The following PAK2 variants were observed in gnomAD, a reference collection of about 807,000 sequenced individuals.
PAK2 encodes the protein serine/threonine-protein kinase PAK 2.
Under a neutral mutation model 65.9 loss-of-function variants are expected in PAK2, and 21 were observed. That is an observed-to-expected ratio of 0.32 (90% CI 0.23 to 0.46). The LOEUF is 0.46. PAK2 is among the 20% of genes least tolerant of loss of function. The pLI is 1.00. For synonymous variants in PAK2, 204 were observed against 219.7 expected, an observed-to-expected ratio of 0.93 and a Z score of 0.63; for missense variants, 324 against 642.6, an observed-to-expected ratio of 0.50 and a Z score of 5.36.
chr3:196,809,173 G>C (rs901539571), intron 7 of PAK2, among the ~76,000 whole-genome samples: 2 of 150,520 alleles, frequency 1.3e-5, no homozygotes, highest in Non-Finnish European at 3.0e-5. Flanking sequence ...GCTTGAGCCC[G>C]TGAGTTCAAG....
rs1427034223 is a variant in PAK2 at position 196,791,213 on chromosome 3, A to G, written c.187+8380A>G. On this transcript the variant is annotated intron_variant, in intron 2 of 14. Coordinates refer to ENST00000327134, the MANE Select transcript of PAK2 (RefSeq NM_002577.4). The surrounding 1 kb of genome is among the most constrained non-coding windows in gnomAD (Gnocchi z 4.0). ...TCCAGCACATTGTTCAATTCCAGAC[A>G]TGCTTTAGTATCTTTTTGTTTTAGA... Among the ~76,000 whole-genome samples, 3 of 152,206 alleles carry G rather than the reference A, an allele frequency of 2.0e-5. No homozygotes were observed. The highest frequency in any genetic ancestry group is 2.1e-4 in the South Asian group (1 of 4,836).
intron 8 of PAK2, among the ~76,000 whole-genome samples, chr3:196,811,250 C>CCTTCCCTT (rs1715792060): frequency 3.8e-4 from 1 of 2,604 alleles, no homozygotes; most frequent in African/African-American, 1.1e-3. Context: ...TTCCCTCCCT[C>CCTTCCCTT]CCCTCCCTCC....
At chr3:196,789,996 G>A (rs543417580) in intron 2 of PAK2, among the ~76,000 whole-genome samples, 3 of 152,302 alleles carry the variant, frequency 2.0e-5, no homozygotes, top group Non-Finnish European at 2.9e-5. Flanking sequence ...ACCTCCTGCT[G>A]TGCCACCCAG....
intron 1 of PAK2, among the ~76,000 whole-genome samples, chr3:196,760,139 A>G (rs146628311): frequency 1.1e-4 from 16 of 152,274 alleles, no homozygotes; most frequent in African/African-American, 3.9e-4. Context: ...TGAAAGAGAC[A>G]GGGTCTTCTA....
At chr3:196,771,893 GAGTTCATT>G (rs1372410324) in intron 1 of PAK2, among the ~76,000 whole-genome samples, 1 of 152,178 alleles carries the variant, frequency 6.6e-6, no homozygotes, top group Non-Finnish European at 1.5e-5. Context: ...TGTCTGCAAT[GAGTTCATT>G]AGTTCATTGT....
At chr3:196,798,045 A>G (rs1008438760) in intron 2 of PAK2, among the ~76,000 whole-genome samples, 1 of 152,220 alleles carries the variant, frequency 6.6e-6, no homozygotes, top group Non-Finnish European at 1.5e-5. Context: ...CATCTTAATA[A>G]ACTAGAAGGG....
intron 7 of PAK2, among the ~76,000 whole-genome samples, chr3:196,809,411 G>T (rs551106667): frequency 3.8e-5 from 5 of 132,642 alleles, no homozygotes; most frequent in Non-Finnish European, 7.8e-5. Context: ...GTGCAGTGGC[G>T]TGGCTCACTG....
chr3:196,798,609 G>C (rs1715329312), intron 2 of PAK2, among the ~76,000 whole-genome samples: 1 of 152,278 alleles, frequency 6.6e-6, no homozygotes, highest in Non-Finnish European at 1.5e-5. Context: ...CTCCCAAAGT[G>C]CTAGGATTAT....
rs192992484 is a variant in PAK2, at chr3:196,772,726, C to G, written c.-21-9900C>G. 2.3e-4 allele frequency among the ~76,000 whole-genome samples: 35 copies of G among 151,784 alleles called. No homozygotes were observed. The East Asian group carries it at 5.8e-3, about 25-fold the overall frequency. ...AAATGTTTTCATTCATGCTTCTGCTCTCAAAGACATCTGAGGCTCTTTTGT... is the reference window on the plus strand; with the variant it reads ...AAATGTTTTCATTCATGCTTCTGCTGTCAAAGACATCTGAGGCTCTTTTGT... On this transcript the variant is annotated intron_variant, in intron 1 of 14. Coordinates refer to ENST00000327134, the MANE Select transcript of PAK2 (RefSeq NM_002577.4).
At chr3:196,760,836 G>A (rs1487000901) in intron 1 of PAK2, among the ~76,000 whole-genome samples, 3 of 152,224 alleles carry the variant, frequency 2.0e-5, no homozygotes, top group African/African-American at 4.8e-5. Context: ...GAGTTTAAAC[G>A]TTTGTTGGTG....
intron 1 of PAK2, among the ~76,000 whole-genome samples, chr3:196,763,285 C>T (rs1018972543): frequency 1.3e-5 from 2 of 152,122 alleles, no homozygotes; most frequent in Non-Finnish European, 2.9e-5. Flanking sequence ...GGGGTGGCTC[C>T]CTGTTGCAGT....
At chr3:196,778,222 C>T (rs183994520) in intron 1 of PAK2, among the ~76,000 whole-genome samples, 79 of 152,196 alleles carry the variant, frequency 5.2e-4, no homozygotes, top group African/African-American at 1.8e-3. Context: ...CAGCGTGTAT[C>T]GGTACTTCTT....
At chr3:196,751,674 C>T (rs78636895) in intron 1 of PAK2, among the ~76,000 whole-genome samples, 19,568 of 66,534 alleles carry the variant, frequency 0.29, 4,278 homozygotes, top group African/African-American at 0.41. Context: ...TATTTATATA[C>T]ATATATATAT....
chr3:196,781,890 G>C (rs1193224300), intron 1 of PAK2, among the ~76,000 whole-genome samples: 1 of 152,190 alleles, frequency 6.6e-6, no homozygotes. Flanking sequence ...GATCACCTGA[G>C]TTCAGGAGTT....
At position 196,803,160 on chromosome 3, in the gene PAK2, T is replaced by G. The variant is rs1388854375; in HGVS notation, c.432T>G (p.Pro144=). 6 of 1,606,392 alleles carry G rather than the reference T, an allele frequency of 3.7e-6. No individual in the cohort carries two copies. Among genetic ancestry groups the G allele is most frequent in the Non-Finnish European group, 5.1e-6 (6 of 1,177,062 alleles). The change falls in exon 4 of 15, where the codon CCT becomes CCG. Residue 144 remains proline (P), a synonymous_variant. Coordinates refer to ENST00000327134, the MANE Select transcript of PAK2 (RefSeq NM_002577.4). ...TVKQKYLSFT[P]PEKDGFPSGT... is the part of the protein sequence containing the mutation. Reference sequence around the variant, plus strand: ...AGCAGAAATATCTGAGCTTTACTCCTCCTGGTAAGAGAGTGGCATAAGGCT... The same window carrying G: ...AGCAGAAATATCTGAGCTTTACTCCGCCTGGTAAGAGAGTGGCATAAGGCT...
rs368052796 is a variant in PAK2, at chr3:196,764,906, G to A, written c.-21-17720G>A. ...TGCCCAGGCTGGAGTGCAGTGGTGC[G>A]ATCTCGGCTCACTGCAAATTCCGCC... On this transcript the variant is annotated intron_variant, in intron 1 of 14. Transcript: ENST00000327134. Among the ~76,000 whole-genome samples, 39 of 145,168 alleles carry A rather than the reference G, an allele frequency of 2.7e-4. 1 individual carries two copies. In the South Asian group the frequency reaches 5.8e-3, roughly 22 times the overall value.
In PAK2 at chr3:196,830,432, T is replaced by G. The variant is rs1319955833; in HGVS notation, c.*2027T>G. 1 of 152,208 alleles carries G rather than the reference T, an allele frequency of 6.6e-6. No individual in the cohort carries two copies. Among genetic ancestry groups the G allele is most frequent in the Non-Finnish European group, 1.5e-5 (1 of 68,052 alleles). 9.4% of individuals were successfully genotyped at this position (152,208 alleles called of 1,614,324 possible). On this transcript the variant is annotated 3_prime_UTR_variant, in exon 15 of 15. Coordinates refer to ENST00000327134, the MANE Select transcript of PAK2 (RefSeq NM_002577.4). The stretch of plus-strand genomic sequence containing the variant: ...TCTTTGTAAACAGTTGGATGGATTA[T>G]GATAAAGAAGATGCTACCAATGAAA...
intron 1 of PAK2, among the ~76,000 whole-genome samples, chr3:196,776,898 A>T (rs1474803980): frequency 6.6e-6 from 1 of 152,198 alleles, no homozygotes; most frequent in African/African-American, 2.4e-5. Context: ...AAAATCCACA[A>T]TTATGTGAAA....
chr3:196,796,096 G>A (rs1021170468), intron 2 of PAK2, among the ~76,000 whole-genome samples: 1 of 152,174 alleles, frequency 6.6e-6, no homozygotes, highest in Non-Finnish European at 1.5e-5. Context: ...GAGCTCGGGC[G>A]GTGATGCTCA....
Sources: allele counts gnomAD v4.1 joint callset (sites outside exome capture counted in the v4.1 genomes callset), GRCh38; gene constraint gnomAD v4.1.1; non-coding constraint Gnocchi (gnomAD v3.1); transcripts MANE v1.5; gene names NCBI Gene and HGNC (gene_info 2026-07-23, HGNC 2026-07-21).